Variants in SLC45A4 observed in about 807,000 individuals in gnomAD.
SLC45A4 encodes the protein polyamine-transporter SLC45A4.
In SLC45A4, 32 loss-of-function variants were observed where a neutral mutation model predicts 63.7. The observed-to-expected ratio is 0.50, with a 90% CI of 0.38 to 0.67. The LOEUF (loss-of-function observed/expected upper bound fraction) is 0.67. Ranked by LOEUF, SLC45A4 falls within the 30% of genes least tolerant of loss-of-function variation. SLC45A4 has a pLI of 0.00. For synonymous variants in SLC45A4, 535 were observed against 510.0 expected (o/e 1.05, Z -0.66); for missense variants, 1,027 against 1,157.7 (o/e 0.89, Z 1.64).
In SLC45A4 at chr8:141,218,092, G is replaced by T; in HGVS notation, c.1548C>A (p.Leu516=). The change falls in exon 5 of 9, where the codon CTC becomes CTA. Residue 516 remains leucine, a synonymous_variant. Transcript: ENST00000517878. ...RELMRLCLCH[L]LTWFSVIAEA... Reference sequence around the variant, plus strand: ...CGGCGATGACAGAGAACCAGGTGAGGAGGTGGCAGAGGCACAGCCGCATCA... The same window carrying T: ...CGGCGATGACAGAGAACCAGGTGAGTAGGTGGCAGAGGCACAGCCGCATCA... 6.2e-7 allele frequency: 1 copy of T among 1,612,778 alleles called. No individual in the cohort carries two copies.
intron 1 of SLC45A4, among the ~76,000 whole-genome samples, chr8:141,281,048 A>G (rs946279847): frequency 2.6e-5 from 4 of 152,248 alleles, no homozygotes; most frequent in Non-Finnish European, 5.9e-5. Context: ...AAAAGTCTGA[A>G]TCAGTCTCAG....
chr8:141,257,778 G>C (rs1828860185), intron 1 of SLC45A4, among the ~76,000 whole-genome samples: 1 of 152,164 alleles, frequency 6.6e-6, no homozygotes, highest in South Asian at 2.1e-4. Flanking sequence ...CGGAGGCCAG[G>C]GATGCCTTTC....
At chr8:141,288,180 T>C (rs2154615224) in intron 1 of SLC45A4, among the ~76,000 whole-genome samples, 1 of 152,284 alleles carries the variant, frequency 6.6e-6, no homozygotes, top group Non-Finnish European at 1.5e-5. Flanking sequence ...GAGTATGTCT[T>C]AAATTTTTTA....
At chr8:141,225,567 G>C (rs951349046) in intron 2 of SLC45A4, 13 of 149,322 alleles carry the variant, frequency 8.7e-5, no homozygotes, top group African/African-American at 3.1e-4. Context: ...ACCTAATCTA[G>C]AGGAGGCGCT....
Position 141,215,669 on chromosome 8 carries a change from T to TC in SLC45A4, c.1941+89dup. The TC allele has an allele frequency of 2.9e-6, 4 of 1,363,838 alleles. No homozygotes were observed. Among genetic ancestry groups the TC allele is most frequent in the Non-Finnish European group, 4.1e-6 (4 of 975,604 alleles). The allele number at this position is 1,363,838 out of a possible 1,614,324, so 84.5% of individuals were successfully genotyped here. A position where few individuals can be genotyped will look rare whatever the true frequency, so the allele number is the denominator to read the frequency against. ...AGGAGGGCCATCTGTGTCGTGAACG[T>TC]CCCCCCGGGGAAGCACAGGGCTCTG... On this transcript the variant is annotated intron_variant, in intron 7 of 8. Coordinates refer to ENST00000517878, the MANE Select transcript of SLC45A4 (RefSeq NM_001286646.2). This position sits in a 1 kb window ranked among gnomAD's most constrained non-coding sequence, Gnocchi z 4.3.
chr8:141,219,655 G>A lies in SLC45A4; in HGVS notation c.605C>T (p.Ser202Phe), dbSNP rs776464341. ...CCTTGGTGCGGCAGCGTTACCGGCA[G>A]AGAAGGCGTGGATGTTGAGGGCCAT... ...QDMALNIHAF[S>F]AGLGGAIGYV... The change falls in exon 4 of 9, where the codon TCT (serine) becomes TTT (phenylalanine). Residue 202 changes from serine (S) to phenylalanine (F), a missense_variant. Transcript: ENST00000517878. 6.2e-6 allele frequency: 10 copies of A among 1,607,126 alleles called. No individual in the cohort carries two copies. Among genetic ancestry groups the A allele is most frequent in the South Asian group, 1.1e-5 (1 of 90,524 alleles).
intron 1 of SLC45A4, among the ~76,000 whole-genome samples, chr8:141,265,591 T>A (rs1182129897): frequency 6.6e-6 from 1 of 152,184 alleles, no homozygotes; most frequent in Non-Finnish European, 1.5e-5. Context: ...TCTTCTCTAG[T>A]ACACAGCTGA....
intron 1 of SLC45A4, among the ~76,000 whole-genome samples, chr8:141,303,987 G>A (rs538674493): frequency 6.6e-6 from 1 of 152,278 alleles, no homozygotes; most frequent in South Asian, 2.1e-4. Context: ...CCTGCACTGG[G>A]GACAAAATGC....
chr8:141,257,588 TC>T (rs1828853257), intron 1 of SLC45A4, among the ~76,000 whole-genome samples: 1 of 152,232 alleles, frequency 6.6e-6, no homozygotes, highest in Non-Finnish European at 1.5e-5. Flanking sequence ...TAAGAGTCGT[TC>T]CAGTAAGAGC....
intron 1 of SLC45A4, among the ~76,000 whole-genome samples, chr8:141,276,621 G>A (rs942287449): frequency 6.6e-6 from 1 of 152,172 alleles, no homozygotes; most frequent in Non-Finnish European, 1.5e-5. Flanking sequence ...CTCTGCCCCA[G>A]TGTCGCCCAC....
At chr8:141,277,740 C>T (rs959571236) in intron 1 of SLC45A4, among the ~76,000 whole-genome samples, 2 of 151,952 alleles carry the variant, frequency 1.3e-5, no homozygotes, top group Admixed American at 1.3e-4. Flanking sequence ...CCCGGGTTCA[C>T]GCCATTCTCC....
rs1200736385 is a variant in SLC45A4, at chr8:141,227,466, A to G, written c.242-5701T>C. Among the ~76,000 whole-genome samples, 2 of 152,254 alleles carry G rather than the reference A, an allele frequency of 1.3e-5. No homozygotes were observed. Among genetic ancestry groups the G allele is most frequent in the East Asian group, 3.8e-4 (2 of 5,196 alleles). On this transcript the variant is annotated intron_variant, in intron 2 of 8. Transcript: ENST00000517878. The surrounding 1 kb of genome is among the most constrained non-coding windows in gnomAD (Gnocchi z 4.4). ...CTTGTGTGCTGGGACCAAATGCCACAGTGCGGCGAAACTCGTGAGCACAAG... is the reference window on the plus strand; with the variant it reads ...CTTGTGTGCTGGGACCAAATGCCACGGTGCGGCGAAACTCGTGAGCACAAG...
At chr8:141,244,136 G>A (rs932328771) in intron 2 of SLC45A4, among the ~76,000 whole-genome samples, 2 of 152,116 alleles carry the variant, frequency 1.3e-5, no homozygotes, top group South Asian at 2.1e-4. Flanking sequence ...TTCATGGTGC[G>A]CTCCGCCTGT....
At chr8:141,272,013 AC>A (rs1829556997) in intron 1 of SLC45A4, among the ~76,000 whole-genome samples, 1 of 152,120 alleles carries the variant, frequency 6.6e-6, no homozygotes, top group Non-Finnish European at 1.5e-5. Context: ...TGCAACACAC[AC>A]CTGCGTACAC....
At chr8:141,297,244 G>C (rs1445675380) in intron 1 of SLC45A4, among the ~76,000 whole-genome samples, 2 of 151,806 alleles carry the variant, frequency 1.3e-5, no homozygotes, top group African/African-American at 4.9e-5. Flanking sequence ...AAATGCAACA[G>C]GGCTCCACCA....
chr8:141,225,849 C>T (rs1434521466), intron 2 of SLC45A4: 3 of 152,808 alleles, frequency 2.0e-5, no homozygotes, highest in Non-Finnish European at 2.9e-5. Flanking sequence ...CCCTGGGCAC[C>T]TCCACCCGCC....
intron 1 of SLC45A4, among the ~76,000 whole-genome samples, chr8:141,271,864 CACTCACACACGT>C (rs1829541100): frequency 6.7e-6 from 1 of 150,188 alleles, no homozygotes; most frequent in East Asian, 1.9e-4. Flanking sequence ...CACACACACG[CACTCACACACGT>C]GCATGCAACA....
intron 1 of SLC45A4, among the ~76,000 whole-genome samples, chr8:141,301,667 C>G (rs1206194818): frequency 3.7e-5 from 5 of 133,684 alleles, no homozygotes; most frequent in Non-Finnish European, 7.6e-5. Context: ...CCGGGGAGGT[C>G]GAGGCTGCAG....
chr8:141,306,630 TC>T (rs1396488284), intron 1 of SLC45A4, among the ~76,000 whole-genome samples: 1 of 152,248 alleles, frequency 6.6e-6, no homozygotes, highest in African/African-American at 2.4e-5. Context: ...ACACCAATAC[TC>T]CAGCTTTTTG....
Sources: gnomAD v4.1 joint callset for allele counts (sites outside exome capture counted in the v4.1 genomes callset) on GRCh38, gnomAD v4.1.1 for gene constraint, Gnocchi (gnomAD v3.1) non-coding constraint, MANE v1.5 for transcripts, NCBI Gene and HGNC (gene_info 2026-07-23, HGNC 2026-07-21) for gene names.